Variants in MARCHF1 observed in about 807,000 individuals in gnomAD.
MARCHF1 encodes the protein E3 ubiquitin-protein ligase MARCHF1.
Under a neutral mutation model 54.2 loss-of-function variants are expected in MARCHF1, and 40 were observed. The observed-to-expected ratio is 0.74, with a 90% CI of 0.57 to 0.96. The LOEUF is 0.96. Among genes scored for constraint, MARCHF1 ranks in the 40% least tolerant of loss-of-function variants. The probability of loss-of-function intolerance (pLI) is 0.00; values close to 1 mark genes in which losing one functional copy is unlikely to be tolerated. For missense variants in MARCHF1, 586 were observed against 656.5 expected (o/e 0.89, Z 1.17); for synonymous variants, 236 against 236.3 (o/e 1.00, Z 0.01).
intron 1 of MARCHF1, among the ~76,000 whole-genome samples, chr4:164,156,512 C>A (rs546254855): frequency 2.6e-5 from 4 of 152,082 alleles, no homozygotes; most frequent in Non-Finnish European, 5.9e-5. Flanking sequence ...CAACCTCTGC[C>A]TTCTGGGCTC....
At chr4:164,237,707 T>TC (rs1308728887) in intron 1 of MARCHF1, among the ~76,000 whole-genome samples, 2 of 151,888 alleles carry the variant, frequency 1.3e-5, no homozygotes, top group African/African-American at 2.4e-5. Flanking sequence ...ACTTAAACGA[T>TC]CCCCCCAAAA....
intron 8 of MARCHF1, among the ~76,000 whole-genome samples, chr4:163,576,062 GT>G (rs927130580): frequency 6.6e-6 from 1 of 151,186 alleles, no homozygotes; most frequent in African/African-American, 2.4e-5. Flanking sequence ...TCTAATTTTA[GT>G]TTTTTTTCTT....
rs1487617358 is a variant in MARCHF1, at chr4:163,528,925, G to A, written c.1461C>T (p.Ala487=). ...VYVQLWRRLK[A]YNRVIFVQNC... ...TTTGTACAAAGATCACACGGTTGTA[G>A]GCCTTCAGCCTGCGCCACAACTGAA... The change falls in exon 10 of 10, where the codon GCC becomes GCT. Residue 487 remains alanine, a synonymous_variant. Coordinates refer to ENST00000514618, the MANE Select transcript of MARCHF1 (RefSeq NM_001394959.1). 2.5e-6 allele frequency: 4 copies of A among 1,613,230 alleles called. No individual in the cohort carries two copies. The highest frequency in any genetic ancestry group is 1.7e-5 in the Admixed American group (1 of 59,836).
intron 3 of MARCHF1, among the ~76,000 whole-genome samples, chr4:163,964,913 C>T (rs768192182): frequency 2.0e-5 from 3 of 151,890 alleles, no homozygotes; most frequent in Non-Finnish European, 4.4e-5. Flanking sequence ...TGCCCGACAC[C>T]GTGACTGAAA....
intron 1 of MARCHF1, among the ~76,000 whole-genome samples, chr4:164,124,475 C>G (rs980607659): frequency 1.3e-5 from 2 of 152,184 alleles, no homozygotes; most frequent in African/African-American, 4.8e-5. Flanking sequence ...GATATCTGCA[C>G]TCATGTTTGC....
chr4:164,070,766 A>G (rs1316360096), intron 2 of MARCHF1, among the ~76,000 whole-genome samples: 2 of 152,332 alleles, frequency 1.3e-5, no homozygotes, highest in East Asian at 3.9e-4. Flanking sequence ...ATATCAGGTT[A>G]AATGCCTCAA....
intron 8 of MARCHF1, among the ~76,000 whole-genome samples, chr4:163,563,444 G>A (rs945732506): frequency 1.3e-5 from 2 of 152,130 alleles, no homozygotes; most frequent in Non-Finnish European, 2.9e-5. Flanking sequence ...ATCTCACTGG[G>A]AAACATCTAG....
At chr4:163,785,063 C>A (rs552282775) in intron 4 of MARCHF1, among the ~76,000 whole-genome samples, 2 of 152,174 alleles carry the variant, frequency 1.3e-5, no homozygotes, top group Admixed American at 6.6e-5. Flanking sequence ...CGTTTATAGA[C>A]ACTGTGGCAA....
At chr4:163,917,191 T>C (rs551413110) in intron 3 of MARCHF1, among the ~76,000 whole-genome samples, 53 of 152,300 alleles carry the variant, frequency 3.5e-4, no homozygotes, top group Admixed American at 6.5e-4. Flanking sequence ...AATTTCTTTT[T>C]AGCAATAACG....
chr4:163,696,325 T>C (rs1744631790), intron 5 of MARCHF1, among the ~76,000 whole-genome samples: 1 of 152,182 alleles, frequency 6.6e-6, no homozygotes, highest in African/African-American at 2.4e-5. Flanking sequence ...TTTTTTACTT[T>C]CACAGTAGCA....
chr4:163,847,670 T>C (rs1749525846), intron 4 of MARCHF1, among the ~76,000 whole-genome samples: 1 of 141,852 alleles, frequency 7.0e-6, no homozygotes, highest in Non-Finnish European at 1.5e-5. Context: ...AACCTCCGCC[T>C]CCTGGGTTCA....
intron 4 of MARCHF1, among the ~76,000 whole-genome samples, chr4:163,760,748 C>A (rs1398792641): frequency 2.6e-5 from 4 of 152,052 alleles, no homozygotes; most frequent in Non-Finnish European, 4.4e-5. Context: ...CTCAGAAATT[C>A]CCTGCGCTCT....
chr4:163,771,953 T>C lies in MARCHF1; in HGVS notation c.112-71090A>G, dbSNP rs113341512. ...GACTAAAAGGAGTTGCCCATTTCAA[T>C]AGGGCTAGTTATGCAACTAGAAATT... On this transcript the variant is annotated intron_variant, in intron 4 of 9. Transcript: ENST00000514618. Among the ~76,000 whole-genome samples the C allele has an allele frequency of 3.9e-4, 59 of 152,306 alleles. 1 individual carries two copies. Among genetic ancestry groups the C allele is most frequent in the Middle Eastern group, 3.4e-3 (1 of 294 alleles).
intron 1 of MARCHF1, among the ~76,000 whole-genome samples, chr4:164,217,472 T>C (rs1376580802): frequency 6.6e-6 from 1 of 152,174 alleles, no homozygotes; most frequent in Non-Finnish European, 1.5e-5. Context: ...AATGTACCTG[T>C]TAGTATTATT....
At chr4:164,193,469 G>C (rs1297581717) in intron 1 of MARCHF1, among the ~76,000 whole-genome samples, 1 of 151,986 alleles carries the variant, frequency 6.6e-6, no homozygotes, top group Non-Finnish European at 1.5e-5. Flanking sequence ...TTTTGGTTTT[G>C]TCTATTGGCT....
At chr4:163,989,501 A>G (rs1434492270) in intron 2 of MARCHF1, among the ~76,000 whole-genome samples, 1 of 152,096 alleles carries the variant, frequency 6.6e-6, no homozygotes, top group Non-Finnish European at 1.5e-5. Flanking sequence ...TCCCCGAAAT[A>G]TATGTTTGAA....
At chr4:163,994,582 TA>T (rs762551948) in intron 2 of MARCHF1, among the ~76,000 whole-genome samples, 2 of 151,476 alleles carry the variant, frequency 1.3e-5, no homozygotes, top group Non-Finnish European at 2.9e-5. Context: ...TAATAACATT[TA>T]AAAAAAAGAA....
intron 1 of MARCHF1, among the ~76,000 whole-genome samples, chr4:164,278,793 C>T (rs751357484): frequency 1.3e-5 from 2 of 152,096 alleles, no homozygotes; most frequent in Admixed American, 6.5e-5. Flanking sequence ...CGGTTAAAAC[C>T]GTTTTTGGTT....
intron 2 of MARCHF1, among the ~76,000 whole-genome samples, chr4:164,015,409 G>C (rs1054123333): frequency 6.6e-6 from 1 of 152,194 alleles, no homozygotes; most frequent in East Asian, 1.9e-4. Context: ...CATTTGTTGA[G>C]TAACACCTTA....
Sources: gnomAD v4.1 joint callset for allele counts (sites outside exome capture counted in the v4.1 genomes callset) on GRCh38, gnomAD v4.1.1 for gene constraint, MANE v1.5 for transcripts, NCBI Gene and HGNC (gene_info 2026-07-23, HGNC 2026-07-21) for gene names.